The following ATRN variants were observed in gnomAD, a reference collection of about 807,000 sequenced individuals.
The protein encoded by ATRN is attractin-2.
In ATRN, 54 loss-of-function variants were observed where a neutral mutation model predicts 178.7. The ratio of observed to expected loss-of-function variants is 0.30; its 90% CI spans 0.24 to 0.38. The LOEUF (loss-of-function observed/expected upper bound fraction) is 0.38, where lower values mean the gene tolerates loss of function less well. ATRN is among the 10% of genes least tolerant of loss of function. The pLI is 1.00. For synonymous variants in ATRN, 636 were observed against 663.0 expected (o/e 0.96, Z 0.63); for missense variants, 1,443 against 1,815.1 (o/e 0.79, Z 3.73).
chr20:3,647,541 A>G lies in ATRN; in HGVS notation c.*694A>G, dbSNP rs942157111. On this transcript the variant is annotated 3_prime_UTR_variant, in exon 29 of 29. Coordinates refer to ENST00000262919, the MANE Select transcript of ATRN (RefSeq NM_139321.3). ...TTAATTTAGTCTTAATCCATTTGAA[A>G]CTCTCTCTTCCTTTCTCTCTGCCTG... 8 of 150,884 alleles carry G rather than the reference A, an allele frequency of 5.3e-5. No individual in the cohort carries two copies. The highest frequency in any genetic ancestry group is 2.1e-4 in the South Asian group (1 of 4,728). The allele number at this position is 150,884 out of a possible 1,614,324, so 9.3% of individuals were successfully genotyped here.
chr20:3,585,184 A>G (rs2086340894), intron 18 of ATRN, among the ~76,000 whole-genome samples: 1 of 152,176 alleles, frequency 6.6e-6, no homozygotes, highest in East Asian at 1.9e-4. Context: ...GGCTGGTGCA[A>G]AGACTCCTCA....
intron 1 of ATRN, among the ~76,000 whole-genome samples, chr20:3,477,649 G>A (rs1438300750): frequency 7.1e-6 from 1 of 140,828 alleles, no homozygotes; most frequent in Non-Finnish European, 1.5e-5. Flanking sequence ...TGAGGGCAGG[G>A]GCCTGGAGCA....
At chr20:3,489,931 T>C in intron 1 of ATRN, 1 of 1,195,500 alleles carries the variant, frequency 8.4e-7, no homozygotes, top group East Asian at 2.3e-5. Flanking sequence ...TCATCTTCAC[T>C]CTCACTCTTA....
chr20:3,643,675 A>G (rs1235637151), intron 27 of ATRN, among the ~76,000 whole-genome samples: 2 of 152,208 alleles, frequency 1.3e-5, no homozygotes, highest in East Asian at 3.8e-4. Context: ...AAGCTTTTAC[A>G]TCCAGCAGGC....
intron 25 of ATRN, among the ~76,000 whole-genome samples, chr20:3,631,697 G>A (rs1158103818): frequency 3.9e-5 from 6 of 152,168 alleles, no homozygotes; most frequent in Admixed American, 3.9e-4. Flanking sequence ...ACTGTATTAC[G>A]GGTGGACCCA....
intron 23 of ATRN, among the ~76,000 whole-genome samples, chr20:3,601,777 T>A (rs2086612297): frequency 6.9e-6 from 1 of 144,316 alleles, no homozygotes; most frequent in Non-Finnish European, 1.5e-5. Context: ...GATGAGAGGA[T>A]CACTTGAGCC....
At chr20:3,591,399 T>G in intron 19 of ATRN, 93 bp downstream of exon 19, 9 of 1,394,968 alleles carry the variant, frequency 6.5e-6, no homozygotes, top group Non-Finnish European at 8.8e-6. Flanking sequence ...AAAAGCCACT[T>G]TGTTTTGGAT....
At chr20:3,547,132 C>G in intron 4 of ATRN, 152 bp from the exon 5 acceptor site, 1 of 665,618 alleles carries the variant, frequency 1.5e-6, no homozygotes, top group South Asian at 1.8e-5. Context: ...CAGTGTTGAG[C>G]AAACCCATTT....
intron 1 of ATRN, among the ~76,000 whole-genome samples, chr20:3,505,620 TA>T (rs1366027525): frequency 1.3e-5 from 2 of 152,310 alleles, no homozygotes; most frequent in South Asian, 2.1e-4. Context: ...ACTTAAGCCT[TA>T]ATGTATTGAT....
At chr20:3,618,812 G>C (rs2086872609) in intron 24 of ATRN, among the ~76,000 whole-genome samples, 1 of 150,966 alleles carries the variant, frequency 6.6e-6, no homozygotes, top group Admixed American at 6.6e-5. Flanking sequence ...TTGACATAGA[G>C]TTCCATGTAT....
intron 2 of ATRN, among the ~76,000 whole-genome samples, chr20:3,539,712 T>C (rs995041071): frequency 6.6e-6 from 1 of 152,138 alleles, no homozygotes; most frequent in Non-Finnish European, 1.5e-5. Flanking sequence ...GAAGTTTGGC[T>C]TTCTTCAATA....
chr20:3,507,333 C>T (rs114833300), intron 1 of ATRN, among the ~76,000 whole-genome samples: 2,139 of 150,198 alleles, frequency 0.014, 58 homozygotes, highest in African/African-American at 0.05. Flanking sequence ...TGTTTAAACC[C>T]GGGAGGCGGA....
chr20:3,587,021 T>C (rs2086367590), intron 18 of ATRN, among the ~76,000 whole-genome samples: 3 of 152,252 alleles, frequency 2.0e-5, no homozygotes. Flanking sequence ...TTAGTTAGCC[T>C]TTTGTATATC....
intron 10 of ATRN, 125 bp downstream of exon 10, chr20:3,563,488 G>C: frequency 3.1e-6 from 3 of 967,412 alleles, no homozygotes; most frequent in Non-Finnish European, 4.5e-6. Context: ...GGTCCAAATG[G>C]TATTTTTTAT....
intron 11 of ATRN, among the ~76,000 whole-genome samples, chr20:3,566,669 C>T (rs966500879): frequency 1.3e-5 from 2 of 151,860 alleles, no homozygotes; most frequent in Admixed American, 6.6e-5. Context: ...TTTGGGAGGC[C>T]GAGGAGGGCC....
chr20:3,562,560 TA>T, intron 9 of ATRN, 101 bp downstream of exon 9: 2 of 1,221,270 alleles, frequency 1.6e-6, no homozygotes, highest in South Asian at 2.9e-5. Context: ...GCCTGGCAGA[TA>T]ATTCTGTTCG....
chr20:3,545,358 C>CGCGG (rs1290480528), intron 3 of ATRN, among the ~76,000 whole-genome samples: 2 of 136,026 alleles, frequency 1.5e-5, no homozygotes, highest in Non-Finnish European at 3.2e-5. Flanking sequence ...GAGCGAAACT[C>CGCGG]TGTCTCAAAA....
chr20:3,580,449 A>G (rs984662153), intron 15 of ATRN, among the ~76,000 whole-genome samples: 4 of 152,338 alleles, frequency 2.6e-5, no homozygotes, highest in African/African-American at 4.8e-5. Flanking sequence ...CTGAAGTGTA[A>G]TGTCCTTCCA....
intron 1 of ATRN, among the ~76,000 whole-genome samples, chr20:3,533,387 A>G (rs1386390956): frequency 1.3e-5 from 2 of 152,204 alleles, no homozygotes; most frequent in Admixed American, 6.5e-5. Context: ...TGATGGGTAC[A>G]TGATCATCTG....
Sources: allele counts gnomAD v4.1 joint callset (sites outside exome capture counted in the v4.1 genomes callset), GRCh38; gene constraint gnomAD v4.1.1; transcripts MANE v1.5; gene names NCBI Gene and HGNC (gene_info 2026-07-23, HGNC 2026-07-21).